CACNA1B: variants seen among roughly 807,000 people sequenced by gnomAD.
The protein encoded by CACNA1B is calcium voltage-gated channel subunit alpha1 B, also known as voltage-dependent N-type calcium channel subunit alpha-1B.
Under a neutral mutation model 247.2 loss-of-function variants are expected in CACNA1B, and 70 were observed. That is an observed-to-expected ratio of 0.28 (90% CI 0.23 to 0.35). The LOEUF (loss-of-function observed/expected upper bound fraction) is 0.35. Ranked by LOEUF, CACNA1B falls within the 10% of genes least tolerant of loss-of-function variation. The pLI, the probability that CACNA1B is intolerant of heterozygous loss-of-function variation, is 1.00. For synonymous variants in CACNA1B, 1,231 were observed against 1,294.4 expected, an observed-to-expected ratio of 0.95 and a Z score of 1.05; for missense variants, 2,367 against 3,197.4, an observed-to-expected ratio of 0.74 and a Z score of 6.26.
rs151306816 is a variant in CACNA1B, at chr9:137,882,702, G to C, written c.391-42G>C. 4.4e-4 allele frequency: 704 copies of C among 1,611,976 alleles called. 9 individuals carry two copies. In the East Asian group the frequency reaches 0.013, roughly 29 times the overall value. ...AACCGTCTCTGCCCGCTACTACACC[G>C]GGTAGGGGCCAGGGGTGACCACTGT... is the stretch of plus-strand genomic sequence containing the variant. On this transcript the variant is annotated intron_variant, in intron 2 of 46. Transcript: ENST00000371372. The surrounding 1 kb of genome is among the most constrained non-coding windows in gnomAD (Gnocchi z 4.0).
In CACNA1B at chr9:138,103,657, C is replaced by T. The variant is rs180812902; in HGVS notation, c.5319+850C>T. 4.7e-4 allele frequency among the ~76,000 whole-genome samples: 71 copies of T among 152,346 alleles called. 1 individual carries two copies. Among genetic ancestry groups the T allele is most frequent in the Admixed American group, 7.8e-4 (12 of 15,306 alleles). ...AGCACCTTCGTTCCCCCAGCACCCA[C>T]CCACCTACTCAAGAGCCCTCCTGAG... On this transcript the variant is annotated intron_variant, in intron 38 of 46. Transcript: ENST00000371372.
intron 37 of CACNA1B, chr9:138,101,178 G>C: frequency 1.9e-6 from 1 of 532,454 alleles, no homozygotes; most frequent in Middle Eastern, 3.2e-4. Context: ...GGGAAGAACT[G>C]CCCTCGTAGG....
intron 20 of CACNA1B, among the ~76,000 whole-genome samples, chr9:138,039,222 A>G (rs1320132736): frequency 3.3e-5 from 5 of 151,924 alleles, no homozygotes; most frequent in African/African-American, 1.2e-4. Context: ...AAAAAAAAAA[A>G]GAGAAAAATA....
chr9:137,967,072 C>G (rs1421582013), intron 10 of CACNA1B, among the ~76,000 whole-genome samples: 1 of 151,914 alleles, frequency 6.6e-6, no homozygotes, highest in African/African-American at 2.4e-5. Flanking sequence ...TATTCTTCAT[C>G]CCAAGTTCTG....
rs1363728773 is a variant in CACNA1B, at chr9:138,095,421, C to T, written c.5095-1063C>T. On this transcript the variant is annotated intron_variant, in intron 36 of 46. Transcript: ENST00000371372. ...ACTACAATGAGATACCTCTTTACAT[C>T]CACCATGACAGCTATAACAATAATT... Among the ~76,000 whole-genome samples, 5 of 152,314 alleles carry T rather than the reference C, an allele frequency of 3.3e-5. No individual in the cohort carries two copies. The South Asian group carries it at 6.2e-4, about 19-fold the overall frequency.
intron 6 of CACNA1B, among the ~76,000 whole-genome samples, chr9:137,931,121 G>A (rs1239004648): frequency 1.3e-5 from 2 of 152,034 alleles, no homozygotes; most frequent in Admixed American, 6.6e-5. Flanking sequence ...GGTTCTTGGC[G>A]GTTTGAACAA....
At chr9:137,997,467 C>T (rs564793296) in intron 15 of CACNA1B, among the ~76,000 whole-genome samples, 2 of 152,264 alleles carry the variant, frequency 1.3e-5, no homozygotes, top group African/African-American at 4.8e-5. Context: ...TGGATTCCTA[C>T]CTTGTACCAA....
chr9:138,055,595 T>C (rs866746152), intron 26 of CACNA1B, among the ~76,000 whole-genome samples: 1 of 152,208 alleles, frequency 6.6e-6, no homozygotes, highest in Admixed American at 6.5e-5. Flanking sequence ...GCAGTTTACT[T>C]GGAAGTTGAT....
At chr9:137,921,913 G>A (rs145726346) in intron 6 of CACNA1B, among the ~76,000 whole-genome samples, 695 of 142,666 alleles carry the variant, frequency 4.9e-3, no homozygotes, top group African/African-American at 0.01. Context: ...AGAGTAAAGC[G>A]TTCGGAGAAC....
rs974332683 is a variant in CACNA1B at position 137,952,893 on chromosome 9, G to A, written c.1070+516G>A. ...TCTGTTACTGTGGTGAGAAATAACTGGGGGCACCCTGATCTCTGTAGCAGT... is the reference window on the plus strand; with the variant it reads ...TCTGTTACTGTGGTGAGAAATAACTAGGGGCACCCTGATCTCTGTAGCAGT... On this transcript the variant is annotated intron_variant, in intron 7 of 46. Transcript: ENST00000371372. This position sits in a 1 kb window ranked among gnomAD's most constrained non-coding sequence, Gnocchi z 4.8. 1.3e-5 allele frequency among the ~76,000 whole-genome samples: 2 copies of A among 152,076 alleles called. No homozygotes were observed. The highest frequency in any genetic ancestry group is 6.6e-5 in the Admixed American group (1 of 15,260).
intron 3 of CACNA1B, among the ~76,000 whole-genome samples, chr9:137,910,015 C>G (rs2133272571): frequency 6.6e-6 from 1 of 152,238 alleles, no homozygotes; most frequent in Non-Finnish European, 1.5e-5. Context: ...AGGTGATCTG[C>G]CTGCTTCGGC....
chr9:137,904,456 T>A (rs1957275214), intron 3 of CACNA1B, among the ~76,000 whole-genome samples: 1 of 141,564 alleles, frequency 7.1e-6, no homozygotes, highest in South Asian at 2.4e-4. Flanking sequence ...AGCCTCAACC[T>A]CCTGGGCTCA....
At chr9:138,021,409 G>A (rs1958843447) in intron 18 of CACNA1B, among the ~76,000 whole-genome samples, 1 of 152,250 alleles carries the variant, frequency 6.6e-6, no homozygotes, top group African/African-American at 2.4e-5. Context: ...TCCCACTGCA[G>A]CCTGGACTTC....
chr9:137,957,620 G>A lies in CACNA1B; in HGVS notation c.1266G>A (p.Lys422=), dbSNP rs201283055. The change falls in exon 10 of 47, where the codon AAG becomes AAA. Residue 422 remains lysine, a synonymous_variant. Transcript: ENST00000371372. This position sits in a 1 kb window ranked among gnomAD's most constrained non-coding sequence, Gnocchi z 4.7. Reference sequence around the variant, plus strand: ...CAGTGCTGAAGAGAGCGGCCACCAAGAAGAGCAGAAATGACCTGATCCACG... The same window carrying A: ...CAGTGCTGAAGAGAGCGGCCACCAAAAAGAGCAGAAATGACCTGATCCACG... ...PLDVLKRAAT[K]KSRNDLIHAE... The A allele has an allele frequency of 4.0e-5, 64 of 1,600,514 alleles. No individual in the cohort carries two copies. Among genetic ancestry groups the A allele is most frequent in the African/African-American group, 1.6e-4 (12 of 74,704 alleles).
In CACNA1B at chr9:137,930,366, G is replaced by A. The variant is rs571616541; in HGVS notation, c.966+12935G>A. Among the ~76,000 whole-genome samples, 21 of 152,182 alleles carry A rather than the reference G, an allele frequency of 1.4e-4. No individual in the cohort carries two copies. In the South Asian group the frequency reaches 4.2e-3, roughly 30 times the overall value. On this transcript the variant is annotated intron_variant, in intron 6 of 46. Transcript: ENST00000371372. ...CTTTGACCTATGAGATTATTATATA[G>A]AACTGTCTTGTTTACTTTGTGTTTG...
intron 10 of CACNA1B, among the ~76,000 whole-genome samples, chr9:137,968,055 CTCTT>C (rs1273956611): frequency 6.6e-6 from 1 of 152,160 alleles, no homozygotes; most frequent in Non-Finnish European, 1.5e-5. Context: ...TTTTTTCTCT[CTCTT>C]TTAGTTTTGT....
chr9:138,027,499 A>T (rs1958936037), intron 20 of CACNA1B, among the ~76,000 whole-genome samples: 1 of 152,194 alleles, frequency 6.6e-6, no homozygotes, highest in South Asian at 2.1e-4. Context: ...TCACTATCAG[A>T]TAACAATGGA....
chr9:138,090,701 CAAAAAAAAAAAAAAAAAAAAAA>C (rs1173964720), intron 36 of CACNA1B, among the ~76,000 whole-genome samples: 1 of 16,594 alleles, frequency 6.0e-5, no homozygotes, highest in East Asian at 5.6e-3. Flanking sequence ...AACCCATCAG[CAAAAAAAAAAAAAAAAAAAAAA>C]AAAAAAAAAA....
chr9:138,017,297 T>C (rs1958805443), intron 18 of CACNA1B: 1 of 470,310 alleles, frequency 2.1e-6, no homozygotes, highest in African/African-American at 2.0e-5. Context: ...TCACCGCAAG[T>C]CATTTGCTTC....
Sources: allele counts gnomAD v4.1 joint callset (sites outside exome capture counted in the v4.1 genomes callset), GRCh38; gene constraint gnomAD v4.1.1; non-coding constraint Gnocchi (gnomAD v3.1); transcripts MANE v1.5; gene names NCBI Gene and HGNC (gene_info 2026-07-23, HGNC 2026-07-21).